Variants in PARVB observed in about 807,000 individuals in gnomAD.
The protein encoded by PARVB is parvin beta, also known as beta-parvin.
In PARVB, 46 loss-of-function variants were observed where a neutral mutation model predicts 47.0. The ratio of observed to expected loss-of-function variants is 0.98; its 90% confidence interval spans 0.77 to 1.25. PARVB has a LOEUF of 1.25. Among genes scored for constraint, PARVB ranks in the 50% most tolerant of loss-of-function variants. PARVB has a pLI of 0.00. For missense variants in PARVB, 473 were observed against 471.6 expected (o/e 1.00, Z -0.03); for synonymous variants, 196 against 196.3 (o/e 1.00, Z 0.01).
intron 1 of PARVB, among the ~76,000 whole-genome samples, chr22:44,045,268 AATAC>A (rs1045500131): frequency 6.6e-6 from 1 of 152,272 alleles, no homozygotes; most frequent in Admixed American, 6.5e-5. Flanking sequence ...TAAATAAATA[AATAC>A]ATACATACAT....
Position 44,151,551 on chromosome 22 carries a change from G to T in PARVB, c.843G>T (p.Gln281His). The T allele has an allele frequency of 6.2e-7, 1 of 1,611,842 alleles. No individual in the cohort carries two copies. The highest frequency in any genetic ancestry group is 8.5e-7 in the Non-Finnish European group (1 of 1,177,908). Residue 281 changes from glutamine to histidine, a missense_variant and splice_region_variant, in exon 10 of 13, where the codon CAG becomes CAT. By Grantham distance (24) the Gln-to-His change is conservative. Transcript: ENST00000338758. ...LNLEVTELET[Q>H]FADGVYLVLL... ...TGGAGGTGACGGAACTGGAGACCCA[G>T]GTATGTGCTGCTTTGGCTTGAAGGA...
At chr22:44,074,264 A>G (rs888483195) in intron 1 of PARVB, among the ~76,000 whole-genome samples, 7 of 152,122 alleles carry the variant, frequency 4.6e-5, no homozygotes, top group African/African-American at 1.7e-4. Flanking sequence ...TGAGCCCCTG[A>G]TCGGTTCTGT....
intron 1 of PARVB, among the ~76,000 whole-genome samples, chr22:44,085,532 G>C (rs577743494): frequency 6.6e-6 from 1 of 152,212 alleles, no homozygotes; most frequent in South Asian, 2.1e-4. Flanking sequence ...TCGAACTCCT[G>C]AGCTCAAGCC....
chr22:44,107,529 G>A (rs1331947148), intron 3 of PARVB: 1 of 152,152 alleles, frequency 6.6e-6, no homozygotes, highest in African/African-American at 2.4e-5. Context: ...AATGAGATCT[G>A]GGTTTATGCT....
chr22:44,068,797 T>C lies in PARVB; in HGVS notation c.113-25131T>C, dbSNP rs1004000538. Among the ~76,000 whole-genome samples, 2 of 152,168 alleles carry C rather than the reference T, an allele frequency of 1.3e-5. No homozygotes were observed. The highest frequency in any genetic ancestry group is 2.9e-5 in the Non-Finnish European group (2 of 68,020). Reference sequence around the variant, plus strand: ...TGGGAGGCCAATGTCTGTTGTTCAGTTTAGCTCTGAGCCACGTGCATCTTC... The same window carrying C: ...TGGGAGGCCAATGTCTGTTGTTCAGCTTAGCTCTGAGCCACGTGCATCTTC... On this transcript the variant is annotated intron_variant, in intron 1 of 12. Transcript: ENST00000338758. The surrounding 1 kb of genome is among the most constrained non-coding windows in gnomAD (Gnocchi z 4.1).
rs376321559 is a variant in PARVB, at chr22:43,999,453, G to A, written c.71+42G>A. ...ACAAAACGAATGTTGTTAAAATCAGGTTGTACTCAGAAGTCCAAATTTCTA... is the reference window on the plus strand; with the variant it reads ...ACAAAACGAATGTTGTTAAAATCAGATTGTACTCAGAAGTCCAAATTTCTA... On this transcript the variant is annotated intron_variant, in intron 1 of 13. Coordinates refer to the PARVB transcript ENST00000406477. 1.3e-5 allele frequency: 21 copies of A among 1,585,622 alleles called. No individual in the cohort carries two copies. In the African/African-American group the frequency reaches 1.9e-4, roughly 14 times the overall value.
chr22:44,119,698 C>T (rs1399806214), intron 4 of PARVB: 2 of 480,096 alleles, frequency 4.2e-6, no homozygotes, highest in Non-Finnish European at 8.6e-6. Context: ...GGCTGGGTAC[C>T]AGGGATACGG....
intron 3 of PARVB, chr22:44,112,303 TC>T (rs1257839171): frequency 6.6e-6 from 1 of 152,084 alleles, no homozygotes; most frequent in African/African-American, 2.4e-5. Flanking sequence ...TGGGTGGCAC[TC>T]CAGGTCTCTT....
At chr22:44,021,140 C>G (rs1403557701), upstream of PARVB, among the ~76,000 whole-genome samples, 1 of 152,160 alleles carries the variant, frequency 6.6e-6, no homozygotes, top group East Asian at 1.9e-4. Context: ...GCTGGACAAC[C>G]ATGTCGAAGT....
intron 1 of PARVB, among the ~76,000 whole-genome samples, chr22:44,072,276 C>T (rs1398901030): frequency 1.3e-5 from 2 of 152,286 alleles, no homozygotes; most frequent in East Asian, 1.9e-4. Flanking sequence ...AGTTTCTGTG[C>T]CCTGTGGAGC....
chr22:44,072,844 C>G (rs149623923), intron 1 of PARVB, among the ~76,000 whole-genome samples: 3 of 152,190 alleles, frequency 2.0e-5, no homozygotes, highest in Non-Finnish European at 2.9e-5. Flanking sequence ...CCCCTACCTA[C>G]TAGGGATGTA....
chr22:44,091,901 C>T lies in PARVB; in HGVS notation c.113-2027C>T, dbSNP rs190963251. ...TACCTTCGGGGGAGTGGGTAACTGG[C>T]ATCCTGGGGCCCCGCTGCCATTGTC... On this transcript the variant is annotated intron_variant, in intron 1 of 12. Transcript: ENST00000338758. Among the ~76,000 whole-genome samples, 181 of 152,230 alleles carry T rather than the reference C, an allele frequency of 1.2e-3. 1 individual carries two copies. The highest frequency in any genetic ancestry group is 4.3e-3 in the African/African-American group (180 of 41,548).
chr22:44,100,332 G>A (rs78015219), intron 3 of PARVB, among the ~76,000 whole-genome samples: 5,183 of 152,254 alleles, frequency 0.034, 270 homozygotes, highest in African/African-American at 0.11. Context: ...TGCCCTGCTC[G>A]GCTGGGGCTT....
rs1430882457 is a variant in PARVB, at chr22:44,053,960, G to A, written c.112+29509G>A. Among the ~76,000 whole-genome samples, 6 of 152,262 alleles carry A rather than the reference G, an allele frequency of 3.9e-5. 1 individual carries two copies. Among genetic ancestry groups the A allele is most frequent in the Middle Eastern group, 6.8e-3 (2 of 294 alleles). Reference sequence around the variant, plus strand: ...AGCTCCCTGAATCCTGCCTTCCTGGGCCTTTTATGGAGCCTCATTGGATAT... The same window carrying A: ...AGCTCCCTGAATCCTGCCTTCCTGGACCTTTTATGGAGCCTCATTGGATAT... On this transcript the variant is annotated intron_variant, in intron 1 of 12. Transcript: ENST00000338758.
intron 4 of PARVB, among the ~76,000 whole-genome samples, chr22:44,129,364 T>A (rs1814793028): frequency 6.6e-6 from 1 of 152,142 alleles, no homozygotes; most frequent in Non-Finnish European, 1.5e-5. Flanking sequence ...TGTGGCATGC[T>A]TCGTTGCAGC....
chr22:44,089,316 C>G lies in PARVB; in HGVS notation c.113-4612C>G, dbSNP rs549866833. ...GACACTTAGGAAAACAAGCACAAGG[C>G]GGTCTTTTTCCCTTAATCACCCATC... is the stretch of plus-strand genomic sequence containing the variant. On this transcript the variant is annotated intron_variant, in intron 1 of 12. Coordinates refer to ENST00000338758, the MANE Select transcript of PARVB (RefSeq NM_013327.5). This position sits in a 1 kb window ranked among gnomAD's most constrained non-coding sequence, Gnocchi z 4.0. 2 of 152,266 alleles carry G rather than the reference C, an allele frequency of 1.3e-5. No individual in the cohort carries two copies. The highest frequency in any genetic ancestry group is 4.8e-5 in the African/African-American group (2 of 41,448). The allele number at this position is 152,266 out of a possible 1,614,324, so 9.4% of individuals were successfully genotyped here. A position where few individuals can be genotyped will look rare whatever the true frequency, so the allele number is the denominator to read the frequency against.
chr22:44,122,560 GAC>G (rs1213974262), intron 4 of PARVB, among the ~76,000 whole-genome samples: 1,106 of 74,290 alleles, frequency 0.015, 47 homozygotes, highest in African/African-American at 0.018. Context: ...GAGACACAGA[GAC>G]AGAGAGAGAG....
rs1295368822 is a variant in PARVB, at chr22:44,125,757, T to A, written c.377-5730T>A. 6.6e-6 allele frequency among the ~76,000 whole-genome samples: 1 copy of A among 152,142 alleles called. No individual in the cohort carries two copies. The highest frequency in any genetic ancestry group is 2.4e-5 in the African/African-American group (1 of 41,418). On this transcript the variant is annotated intron_variant, in intron 4 of 12. Transcript: ENST00000338758. The surrounding 1 kb of genome is among the most constrained non-coding windows in gnomAD (Gnocchi z 4.1). The stretch of plus-strand genomic sequence containing the variant: ...CCATTGGAGGTTTTGGGTAGGGCTG[T>A]GACGTGGATTGGGTTAGAGTTTAAA...
intron 1 of PARVB, among the ~76,000 whole-genome samples, chr22:44,033,536 C>T (rs973945041): frequency 2.0e-5 from 3 of 152,288 alleles, no homozygotes; most frequent in South Asian, 4.1e-4. Flanking sequence ...GAGTTCTTTA[C>T]GCTTGCCTGA....
Sources: allele counts gnomAD v4.1 joint callset (sites outside exome capture counted in the v4.1 genomes callset), GRCh38; gene constraint gnomAD v4.1.1; non-coding constraint Gnocchi (gnomAD v3.1); transcripts MANE v1.5; gene names NCBI Gene and HGNC (gene_info 2026-07-23, HGNC 2026-07-21).